RHOH: variants seen among roughly 807,000 people sequenced by gnomAD.
The protein encoded by RHOH is ras homolog family member H.
In RHOH, 6 loss-of-function variants were observed where a neutral mutation model predicts 13.8. The observed-to-expected ratio is 0.44, with a 90% CI of 0.24 to 0.86. The LOEUF (loss-of-function observed/expected upper bound fraction) is 0.86, where lower values mean the gene tolerates loss of function less well. RHOH is among the 40% of genes least tolerant of loss of function. RHOH has a pLI of 0.24. For missense variants in RHOH, 147 were observed against 244.5 expected, an observed-to-expected ratio of 0.60 and a Z score of 2.66; for synonymous variants, 117 against 103.0, an observed-to-expected ratio of 1.14 and a Z score of -0.82.
At chr4:40,201,259 C>CT (rs955611150) in intron 1 of RHOH, among the ~76,000 whole-genome samples, 17 of 150,104 alleles carry the variant, frequency 1.1e-4, no homozygotes, top group African/African-American at 2.9e-4. Context: ...CTATCCCCCC[C>CT]TTTTTTTTTG....
intron 1 of RHOH, among the ~76,000 whole-genome samples, chr4:40,231,921 T>C (rs1216099613): frequency 6.6e-6 from 1 of 152,248 alleles, no homozygotes; most frequent in Non-Finnish European, 1.5e-5. Context: ...TCATTGCTCA[T>C]GTTTCTCTTT....
intron 1 of RHOH, chr4:40,200,675 G>A (rs1723851391): frequency 6.6e-6 from 1 of 152,226 alleles, no homozygotes; most frequent in African/African-American, 2.4e-5. Flanking sequence ...CTTGAGATGA[G>A]TTATCGGGAG....
chr4:40,234,357 T>A (rs1728297920), intron 1 of RHOH, among the ~76,000 whole-genome samples: 1 of 152,030 alleles, frequency 6.6e-6, no homozygotes. Context: ...TTGAGATGAG[T>A]TTCTAAGGGT....
chr4:40,198,138 G>A (rs1054638942), intron 1 of RHOH, among the ~76,000 whole-genome samples: 2 of 152,212 alleles, frequency 1.3e-5, no homozygotes, highest in Non-Finnish European at 1.5e-5. Context: ...GTGATGAGTG[G>A]GGCAGCACAG....
chr4:40,230,571 GGCAA>G (rs1207225898), intron 1 of RHOH, among the ~76,000 whole-genome samples: 3 of 150,260 alleles, frequency 2.0e-5, no homozygotes, highest in Non-Finnish European at 1.5e-5. Flanking sequence ...TCCGCAACAT[GGCAA>G]AACCCCATCT....
In RHOH at chr4:40,243,212, CG is replaced by C; in HGVS notation, c.-173del. ...AGGCTTTGGAGGTTTTCAAAGCAGA[CG>C]GTGCTTGGATGGGCAGGGAGAAGTA... On this transcript the variant is annotated 5_prime_UTR_variant, in exon 3 of 3. Transcript: ENST00000381799. This position sits in a 1 kb window ranked among gnomAD's most constrained non-coding sequence, Gnocchi z 6.2. 1 of 505,902 alleles carries C rather than the reference CG, an allele frequency of 2.0e-6. No homozygotes were observed. Among genetic ancestry groups the C allele is most frequent in the Non-Finnish European group, 3.5e-6 (1 of 281,848 alleles). 31.3% of individuals were successfully genotyped at this position (505,902 alleles called of 1,614,324 possible). A position where few individuals can be genotyped will look rare whatever the true frequency, so the allele number is the denominator to read the frequency against.
At chr4:40,234,485 CA>C in intron 1 of RHOH, among the ~76,000 whole-genome samples, 1 of 152,020 alleles carries the variant, frequency 6.6e-6, no homozygotes, top group East Asian at 1.9e-4. Context: ...TGGAAGAGAC[CA>C]GTCAGGGCAG....
At chr4:40,197,649 C>T (rs2109342206) in intron 1 of RHOH, among the ~76,000 whole-genome samples, 1 of 152,206 alleles carries the variant, frequency 6.6e-6, no homozygotes, top group East Asian at 1.9e-4. Flanking sequence ...TCTAAAGATG[C>T]TCTAAGTTGT....
At chr4:40,221,965 A>G (rs568409050) in intron 1 of RHOH, among the ~76,000 whole-genome samples, 1 of 152,346 alleles carries the variant, frequency 6.6e-6, no homozygotes, top group South Asian at 2.1e-4. Flanking sequence ...TACTGCTTGG[A>G]CAAAGCTTTA....
At chr4:40,193,614 T>C (rs1722846750), upstream of RHOH, 1 of 152,476 alleles carries the variant, frequency 6.6e-6, no homozygotes, top group Non-Finnish European at 1.5e-5. Flanking sequence ...CAACCCCCTG[T>C]CCCCTCCCCC....
At chr4:40,194,725 C>T (rs1722949124), upstream of RHOH, among the ~76,000 whole-genome samples, 2 of 152,198 alleles carry the variant, frequency 1.3e-5, no homozygotes, top group South Asian at 4.1e-4. Context: ...CAAAGTGGTG[C>T]TGTGGGGTGG....
chr4:40,198,462 C>T (rs796357803), intron 1 of RHOH, among the ~76,000 whole-genome samples: 13 of 152,350 alleles, frequency 8.5e-5, no homozygotes, highest in African/African-American at 2.9e-4. Context: ...ATTCAATAGT[C>T]CTTGGTCTCC....
At chr4:40,220,152 T>C (rs1447960681) in intron 1 of RHOH, among the ~76,000 whole-genome samples, 1 of 152,160 alleles carries the variant, frequency 6.6e-6, no homozygotes, top group Admixed American at 6.6e-5. Flanking sequence ...CATAGCCAGC[T>C]GTCTATTCTC....
At chr4:40,214,513 T>C (rs558203540) in intron 1 of RHOH, among the ~76,000 whole-genome samples, 1 of 152,264 alleles carries the variant, frequency 6.6e-6, no homozygotes, top group African/African-American at 2.4e-5. Context: ...TGAGTTACAA[T>C]TGTCTCTTGA....
chr4:40,223,004 G>A (rs754555383), intron 1 of RHOH, among the ~76,000 whole-genome samples: 6 of 152,174 alleles, frequency 3.9e-5, no homozygotes, highest in Admixed American at 6.5e-5. Context: ...GTGGTAGAAG[G>A]AGCAAGAGAG....
chr4:40,198,802 C>T (rs1723572560), intron 1 of RHOH, among the ~76,000 whole-genome samples: 1 of 152,168 alleles, frequency 6.6e-6, no homozygotes, highest in Non-Finnish European at 1.5e-5. Context: ...TCCTCAAAAG[C>T]CAGTCCCCAA....
chr4:40,205,434 G>T (rs1724535534), intron 1 of RHOH, among the ~76,000 whole-genome samples: 1 of 152,090 alleles, frequency 6.6e-6, no homozygotes, highest in Admixed American at 6.5e-5. Context: ...CTCCCTTCTG[G>T]GTGTAAGATG....
intron 1 of RHOH, among the ~76,000 whole-genome samples, chr4:40,225,464 C>G (rs371387509): frequency 1.3e-5 from 2 of 152,052 alleles, no homozygotes; most frequent in South Asian, 4.1e-4. Flanking sequence ...AAAAAATAAA[C>G]AGTCTGTTCC....
chr4:40,240,929 G>C (rs1374117392), intron 1 of RHOH, among the ~76,000 whole-genome samples: 1 of 152,052 alleles, frequency 6.6e-6, no homozygotes, highest in Non-Finnish European at 1.5e-5. Flanking sequence ...GGCTGAGGTG[G>C]GAGGACTGCT....
Sources: gnomAD v4.1 joint callset for allele counts (sites outside exome capture counted in the v4.1 genomes callset) on GRCh38, gnomAD v4.1.1 for gene constraint, Gnocchi (gnomAD v3.1) non-coding constraint, MANE v1.5 for transcripts, NCBI Gene and HGNC (gene_info 2026-07-23, HGNC 2026-07-21) for gene names.